Variants in PCDHGA11 observed in about 807,000 individuals in gnomAD.
PCDHGA11 encodes protocadherin gamma-A11.
PCDHGA11 carries 39 observed loss-of-function variants against 60.4 expected under a neutral mutation model. That is an observed-to-expected ratio of 0.65 (90% CI 0.50 to 0.84). The LOEUF is 0.84. Among genes scored for constraint, PCDHGA11 ranks in the 40% least tolerant of loss-of-function variants. The probability of loss-of-function intolerance (pLI) is 0.00; values close to 1 mark genes in which losing one functional copy is unlikely to be tolerated. For synonymous variants in PCDHGA11, 533 were observed against 510.3 expected (o/e 1.04, Z -0.60); for missense variants, 1,165 against 1,197.7 (o/e 0.97, Z 0.40).
Position 141,486,793 on chromosome 5 carries a change from G to C in PCDHGA11, c.2434-8014G>C. ...AGTTTGAGGTGCAGGCCCGGGATCG[G>C]GGCAACCCACCCCTTAGCAGCACTG... is the stretch of plus-strand genomic sequence containing the variant. On this transcript the variant is annotated intron_variant, in intron 1 of 3. Transcript: ENST00000398587. This position sits in a 1 kb window ranked among gnomAD's most constrained non-coding sequence, Gnocchi z 5.0. 6.2e-7 allele frequency: 1 copy of C among 1,614,244 alleles called. No homozygotes were observed. Among genetic ancestry groups the C allele is most frequent in the Non-Finnish European group, 8.5e-7 (1 of 1,180,050 alleles).
rs754299511 is a variant in PCDHGA11 at position 141,476,353 on chromosome 5, G to A, written c.2434-18454G>A. 4 of 1,614,202 alleles carry A rather than the reference G, an allele frequency of 2.5e-6. No individual in the cohort carries two copies. Among genetic ancestry groups the A allele is most frequent in the South Asian group, 1.1e-5 (1 of 91,082 alleles). On this transcript the variant is annotated intron_variant, in intron 1 of 3. Coordinates refer to ENST00000398587, the MANE Select transcript of PCDHGA11 (RefSeq NM_018914.3). The surrounding 1 kb of genome is among the most constrained non-coding windows in gnomAD (Gnocchi z 7.6). The stretch of plus-strand genomic sequence containing the variant: ...GAGCTAGCCGAAGATTCTTTGAGGT[G>A]AACCGGGAGACCGGAGAGATGTTTG...
chr5:141,421,718 G>C lies in PCDHGA11; in HGVS notation c.491G>C (p.Gly164Ala), dbSNP rs778263773. ...CCTAATGCTAGGGATCCAGATGTGG[G>C]CGTGAACTCCCTCCAGAGCTACCAG... ...ALPNARDPDV[G>A]VNSLQSYQLS... Residue 164 changes from glycine to alanine, a missense_variant, in exon 1 of 4, where the codon GGC becomes GCC. Gly to Ala is a moderately conservative substitution (Grantham distance 60). Transcript: ENST00000398587. The C allele has an allele frequency of 6.2e-7, 1 of 1,613,966 alleles. No homozygotes were observed. The highest frequency in any genetic ancestry group is 1.7e-4 in the Middle Eastern group (1 of 6,060).
At position 141,490,479 on chromosome 5, in the gene PCDHGA11, C is replaced by T; in HGVS notation, c.2434-4328C>T. 11 of 1,614,216 alleles carry T rather than the reference C, an allele frequency of 6.8e-6. No homozygotes were observed. Among genetic ancestry groups the T allele is most frequent in the Non-Finnish European group, 9.3e-6 (11 of 1,180,032 alleles). ...CGCTGCTAACCAGCCAGCCTTTGGACCGGGAGGCCACATCCCACTATATCA... is the reference window on the plus strand; with the variant it reads ...CGCTGCTAACCAGCCAGCCTTTGGATCGGGAGGCCACATCCCACTATATCA... On this transcript the variant is annotated intron_variant, in intron 1 of 3. Coordinates refer to ENST00000398587, the MANE Select transcript of PCDHGA11 (RefSeq NM_018914.3). This position sits in a 1 kb window ranked among gnomAD's most constrained non-coding sequence, Gnocchi z 5.4.
chr5:141,507,263 T>C (rs755395344), intron 3 of PCDHGA11: 1 of 152,038 alleles, frequency 6.6e-6, no homozygotes, highest in Non-Finnish European at 1.5e-5. Flanking sequence ...AAACAGCAAG[T>C]ACTATTTCAG....
In PCDHGA11 at chr5:141,476,351, G is replaced by A; in HGVS notation, c.2434-18456G>A. The A allele has an allele frequency of 1.2e-6, 2 of 1,614,182 alleles. No individual in the cohort carries two copies. The highest frequency in any genetic ancestry group is 1.7e-6 in the Non-Finnish European group (2 of 1,180,046). ...TGGAGCTAGCCGAAGATTCTTTGAG[G>A]TGAACCGGGAGACCGGAGAGATGTT... On this transcript the variant is annotated intron_variant, in intron 1 of 3. Coordinates refer to ENST00000398587, the MANE Select transcript of PCDHGA11 (RefSeq NM_018914.3). This position sits in a 1 kb window ranked among gnomAD's most constrained non-coding sequence, Gnocchi z 7.6.
rs1399077321 is a variant in PCDHGA11, at chr5:141,474,090, AAAC to A, written c.2434-20708_2434-20706del. Among the ~76,000 whole-genome samples the A allele has an allele frequency of 2.6e-5, 4 of 152,206 alleles. No individual in the cohort carries two copies. In the East Asian group the frequency reaches 5.8e-4, roughly 22 times the overall value. On this transcript the variant is annotated intron_variant, in intron 1 of 3. Coordinates refer to ENST00000398587, the MANE Select transcript of PCDHGA11 (RefSeq NM_018914.3). ...GCCTCAGAAACAAAAACCAAAAAAC[AAAC>A]AACAACAAAAACAACAACAACGAAA...
chr5:141,428,025 G>C, intron 1 of PCDHGA11: 1 of 1,606,426 alleles, frequency 6.2e-7, no homozygotes, highest in Non-Finnish European at 8.5e-7. Flanking sequence ...ACGCGCCGCA[G>C]AGTCCGGCTA....
rs995129799 is a variant in PCDHGA11 at position 141,421,800 on chromosome 5, G to T, written c.573G>T (p.Lys191Asn). Reference protein sequence around the residue: ...LQLRGRTDGAKNPELVLEGSL... With the variant: ...LQLRGRTDGANNPELVLEGSL... ...TGCGGGGCAGAACGGATGGGGCCAA[G>T]AATCCAGAGCTAGTACTGGAGGGAA... Residue 191 changes from lysine (K) to asparagine (N), a missense_variant, in exon 1 of 4, where the codon AAG becomes AAT. Lys to Asn is a moderately conservative substitution (Grantham distance 94). Transcript: ENST00000398587. The T allele has an allele frequency of 1.2e-6, 2 of 1,613,728 alleles. No homozygotes were observed.
chr5:141,503,418 A>G (rs1037754214), intron 2 of PCDHGA11, among the ~76,000 whole-genome samples: 1 of 151,528 alleles, frequency 6.6e-6, no homozygotes, highest in Admixed American at 6.6e-5. Context: ...AATATGGTGA[A>G]ACCCCATCTC....
chr5:141,500,258 G>A lies in PCDHGA11; in HGVS notation c.2493-5135G>A, dbSNP rs2099798463. On this transcript the variant is annotated intron_variant, in intron 2 of 3. Coordinates refer to ENST00000398587, the MANE Select transcript of PCDHGA11 (RefSeq NM_018914.3). ...TAGCCTTGCTCTGTCACCCAGGCTG[G>A]ACTGCAGTGGCGCAATCTCGGCTCA... Among the ~76,000 whole-genome samples the A allele has an allele frequency of 2.0e-5, 3 of 150,738 alleles. No homozygotes were observed. In the South Asian group the frequency reaches 6.3e-4, roughly 32 times the overall value.
At chr5:141,504,991 G>A (rs896449285) in intron 2 of PCDHGA11, among the ~76,000 whole-genome samples, 44 of 152,034 alleles carry the variant, frequency 2.9e-4, no homozygotes, top group Admixed American at 2.6e-3. Context: ...GTGAAACCCC[G>A]TCTGTACTAA....
In PCDHGA11 at chr5:141,422,240, T is replaced by C. The variant is rs1472994337; in HGVS notation, c.1013T>C (p.Val338Ala). ...LFTTTTMLITVVDVNDNAPEI... is the reference protein window; with the variant it reads ...LFTTTTMLITAVDVNDNAPEI... ...ACCACCACGACGATGTTGATCACTG[T>C]TGTGGATGTGAATGATAACGCTCCA... The change falls in exon 1 of 4, where the codon GTT becomes GCT. Residue 338 changes from valine to alanine, a missense_variant. Physicochemically the swap from Val to Ala is moderately conservative, Grantham distance 64 (BLOSUM62 0). Coordinates refer to ENST00000398587, the MANE Select transcript of PCDHGA11 (RefSeq NM_018914.3). 1.3e-6 allele frequency: 2 copies of C among 1,566,716 alleles called. No individual in the cohort carries two copies. The highest frequency in any genetic ancestry group is 1.2e-5 in the South Asian group (1 of 81,384).
intron 1 of PCDHGA11, among the ~76,000 whole-genome samples, chr5:141,454,626 G>A (rs1206050863): frequency 6.6e-6 from 1 of 151,304 alleles, no homozygotes; most frequent in African/African-American, 2.4e-5. Flanking sequence ...GGCTGGTCTC[G>A]AACCCCCAAC....
At chr5:141,450,792 G>T (rs1222162745) in intron 1 of PCDHGA11, among the ~76,000 whole-genome samples, 2 of 149,686 alleles carry the variant, frequency 1.3e-5, no homozygotes, top group Non-Finnish European at 3.0e-5. Context: ...CGGACCTCAT[G>T]ATTGTATTTA....
rs558944208 is a variant in PCDHGA11, at chr5:141,478,187, A to G, written c.2434-16620A>G. On this transcript the variant is annotated intron_variant, in intron 1 of 3. Coordinates refer to ENST00000398587, the MANE Select transcript of PCDHGA11 (RefSeq NM_018914.3). ...CCCCCGGGAGCAGAAAAAAAATCTC[A>G]CCTTTTATCTACTTCTTTCTCTAAT... is the stretch of plus-strand genomic sequence containing the variant. The G allele has an allele frequency of 2.9e-5, 46 of 1,613,548 alleles. No individual in the cohort carries two copies. The highest frequency in any genetic ancestry group is 3.9e-5 in the Non-Finnish European group (46 of 1,179,954).
chr5:141,489,260 CACA>C lies in PCDHGA11; in HGVS notation c.2434-5546_2434-5544del, dbSNP rs1242559724. 1 of 1,552,022 alleles carries C rather than the reference CACA, an allele frequency of 6.4e-7. No individual in the cohort carries two copies. Among genetic ancestry groups the C allele is most frequent in the Non-Finnish European group, 8.7e-7 (1 of 1,149,038 alleles). ...TGGGTCATGGGGCCCAAGACACTCCCACAGCTCGCTGGGAAATGGCAAGTGCTG... is the reference window on the plus strand; with the variant it reads ...TGGGTCATGGGGCCCAAGACACTCCCGCTCGCTGGGAAATGGCAAGTGCTG... On this transcript the variant is annotated intron_variant, in intron 1 of 3. Coordinates refer to ENST00000398587, the MANE Select transcript of PCDHGA11 (RefSeq NM_018914.3). The surrounding 1 kb of genome is among the most constrained non-coding windows in gnomAD (Gnocchi z 4.5).
chr5:141,429,105 C>A (rs936114624), intron 1 of PCDHGA11: 2 of 152,318 alleles, frequency 1.3e-5, no homozygotes, highest in African/African-American at 4.8e-5. Flanking sequence ...CTGCCCGCCT[C>A]GGCCTCCCAA....
chr5:141,462,552 T>G (rs966816379), intron 1 of PCDHGA11, among the ~76,000 whole-genome samples: 4 of 152,194 alleles, frequency 2.6e-5, no homozygotes, highest in African/African-American at 9.6e-5. Context: ...TCTTCTTCAG[T>G]GTTTACTGTA....
rs1332652972 is a variant in PCDHGA11, at chr5:141,432,381, C to T, written c.2433+8721C>T. On this transcript the variant is annotated intron_variant, in intron 1 of 3. Transcript: ENST00000398587. The surrounding 1 kb of genome is among the most constrained non-coding windows in gnomAD (Gnocchi z 6.0). ...ATGGCGCGGGACAACGGGCACCCGCCCCTCAGCAGCAACGTGTCGTTGAGC... is the reference window on the plus strand; with the variant it reads ...ATGGCGCGGGACAACGGGCACCCGCTCCTCAGCAGCAACGTGTCGTTGAGC... 1 of 1,614,256 alleles carries T rather than the reference C, an allele frequency of 6.2e-7. No homozygotes were observed. The highest frequency in any genetic ancestry group is 1.1e-5 in the South Asian group (1 of 91,082).
Sources: gnomAD v4.1 joint callset for allele counts (sites outside exome capture counted in the v4.1 genomes callset) on GRCh38, gnomAD v4.1.1 for gene constraint, Gnocchi (gnomAD v3.1) non-coding constraint, MANE v1.5 for transcripts, NCBI Gene and HGNC (gene_info 2026-07-23, HGNC 2026-07-21) for gene names.